RPTOR: variants seen among roughly 807,000 people sequenced by gnomAD.
The protein encoded by RPTOR is regulatory-associated protein of mTOR.
A neutral mutation model predicts 169.9 loss-of-function variants in RPTOR; 21 were observed. The ratio of observed to expected loss-of-function variants is 0.12; its 90% CI spans 0.09 to 0.18. RPTOR has a LOEUF of 0.18. RPTOR is among the 10% of genes least tolerant of loss of function. The pLI is 1.00. For synonymous variants in RPTOR, 732 were observed against 753.2 expected, an observed-to-expected ratio of 0.97 and a Z score of 0.46; for missense variants, 1,133 against 1,855.9, an observed-to-expected ratio of 0.61 and a Z score of 7.16.
intron 7 of RPTOR, among the ~76,000 whole-genome samples, chr17:80,812,662 G>A (rs1161756963): frequency 2.0e-5 from 3 of 152,142 alleles, no homozygotes; most frequent in Admixed American, 6.5e-5. Context: ...TCCCCTCCTC[G>A]AGTCTTGGCC....
chr17:80,775,377 C>CT (rs2066883534), intron 6 of RPTOR, among the ~76,000 whole-genome samples: 1 of 152,206 alleles, frequency 6.6e-6, no homozygotes, highest in South Asian at 2.1e-4. Context: ...TTCCAAAGTA[C>CT]TGAGACTGCA....
intron 1 of RPTOR, among the ~76,000 whole-genome samples, chr17:80,588,466 A>G (rs1347009571): frequency 6.6e-6 from 1 of 151,640 alleles, no homozygotes; most frequent in East Asian, 1.9e-4. Context: ...TGGCCTATCC[A>G]CTCATTTTTT....
chr17:80,912,020 C>A (rs753512236), intron 21 of RPTOR, among the ~76,000 whole-genome samples: 1 of 152,178 alleles, frequency 6.6e-6, no homozygotes, highest in African/African-American at 2.4e-5. Flanking sequence ...CTGCCTGCTA[C>A]GGATTAGGGA....
intron 7 of RPTOR, chr17:80,804,999 T>G (rs2067204342): frequency 6.6e-6 from 1 of 152,156 alleles, no homozygotes; most frequent in African/African-American, 2.4e-5. Flanking sequence ...CAGGAAAACC[T>G]CAGAGGATTA....
rs1387150323 is a variant in RPTOR, at chr17:80,963,823, CCGAGT to C, written c.3940-437_3940-433del. Among the ~76,000 whole-genome samples the C allele has an allele frequency of 5.6e-5, 8 of 142,520 alleles. 1 individual carries two copies. In the East Asian group the frequency reaches 1.6e-3, roughly 28 times the overall value. 93.5% of individuals were successfully genotyped at this position (142,520 alleles called of 152,430 possible). A position where few individuals can be genotyped will look rare whatever the true frequency, so the allele number is the denominator to read the frequency against. On this transcript the variant is annotated intron_variant, in intron 33 of 33. Transcript: ENST00000306801. ...GGCCCTCACCCCGTCCGCTGTGCGGCCGAGTCCTCACCCTGTCCCCTGTGCGGCCG... is the reference window on the plus strand; with the variant it reads ...GGCCCTCACCCCGTCCGCTGTGCGGCCCTCACCCTGTCCCCTGTGCGGCCG...
chr17:80,796,766 G>C (rs1294807733), intron 7 of RPTOR, among the ~76,000 whole-genome samples: 1 of 152,238 alleles, frequency 6.6e-6, no homozygotes, highest in Non-Finnish European at 1.5e-5. Flanking sequence ...ACCTGTTTTA[G>C]TGTCTTTCAC....
intron 1 of RPTOR, among the ~76,000 whole-genome samples, chr17:80,599,169 C>T (rs1223824680): frequency 6.6e-6 from 1 of 152,118 alleles, no homozygotes; most frequent in Non-Finnish European, 1.5e-5. Context: ...GGACTGTAGA[C>T]CAGGTTATAA....
intron 11 of RPTOR, among the ~76,000 whole-genome samples, chr17:80,854,232 A>G (rs1421949568): frequency 6.6e-6 from 1 of 152,228 alleles, no homozygotes; most frequent in Non-Finnish European, 1.5e-5. Flanking sequence ...TTTGGCTAAT[A>G]ATAGTGTAAT....
At chr17:80,891,881 C>A (rs553208143) in intron 18 of RPTOR, 44 bp downstream of exon 18, 8 of 1,402,792 alleles carry the variant, frequency 5.7e-6, no homozygotes, top group Admixed American at 1.7e-5. Context: ...CCTCGCCTGG[C>A]GGTTCTAGTG....
At chr17:80,700,709 ATGG>A (rs1567864608) in intron 3 of RPTOR, among the ~76,000 whole-genome samples, 12 of 28,730 alleles carry the variant, frequency 4.2e-4, no homozygotes, top group African/African-American at 6.6e-4. Context: ...GGTGGTGGTG[ATGG>A]TGGTGGTGGT....
chr17:80,951,580 G>T (rs562962574), intron 28 of RPTOR, among the ~76,000 whole-genome samples: 46 of 152,234 alleles, frequency 3.0e-4, no homozygotes, highest in Non-Finnish European at 6.2e-4. Flanking sequence ...GGTTGCACAG[G>T]ACATGGGAAA....
intron 28 of RPTOR, among the ~76,000 whole-genome samples, chr17:80,954,281 C>A (rs1402658923): frequency 6.6e-6 from 1 of 152,208 alleles, no homozygotes; most frequent in Non-Finnish European, 1.5e-5. Flanking sequence ...ACTGCCACAC[C>A]CAGCTATTTT....
At chr17:80,769,287 A>T (rs1260609343) in intron 6 of RPTOR, among the ~76,000 whole-genome samples, 4 of 152,234 alleles carry the variant, frequency 2.6e-5, no homozygotes, top group African/African-American at 9.6e-5. Context: ...CGTTATTTGT[A>T]CTGCTAAGTA....
rs975796602 is a variant in RPTOR, at chr17:80,855,653, C to A, written c.1398+106C>A. ...TTCATGATCCAGAGCCACCCCCAGC[C>A]GTGAGACCCAGGGCGAGTGTGTCCA... On this transcript the variant is annotated intron_variant, in intron 12 of 33. Coordinates refer to ENST00000306801, the MANE Select transcript of RPTOR (RefSeq NM_020761.3). 12 of 874,690 alleles carry A rather than the reference C, an allele frequency of 1.4e-5. No homozygotes were observed. In the African/African-American group the frequency reaches 1.5e-4, roughly 11 times the overall value. The allele number at this position is 874,690 out of a possible 1,614,324, so 54.2% of individuals were successfully genotyped here.
chr17:80,815,958 G>A (rs975687259), intron 7 of RPTOR, among the ~76,000 whole-genome samples: 3 of 151,940 alleles, frequency 2.0e-5, no homozygotes, highest in Non-Finnish European at 4.4e-5. Flanking sequence ...GCATCCTCCC[G>A]ACTGGCGAGG....
In RPTOR at chr17:80,652,463, C is replaced by T. The variant is rs192956010; in HGVS notation, c.348+8653C>T. Among the ~76,000 whole-genome samples the T allele has an allele frequency of 1.3e-3, 194 of 152,316 alleles. 1 individual carries two copies. The highest frequency in any genetic ancestry group is 4.5e-3 in the African/African-American group (186 of 41,560). ...ATCTGGAATGTTTTCAAGATTCCTCCATGCTATTGCATGTATCAGTAATTT... is the reference window on the plus strand; with the variant it reads ...ATCTGGAATGTTTTCAAGATTCCTCTATGCTATTGCATGTATCAGTAATTT... On this transcript the variant is annotated intron_variant, in intron 3 of 33. Transcript: ENST00000306801.
intron 28 of RPTOR, among the ~76,000 whole-genome samples, chr17:80,951,836 C>T (rs1434083776): frequency 1.3e-5 from 2 of 152,234 alleles, no homozygotes; most frequent in Admixed American, 1.3e-4. Flanking sequence ...CGGCATGTCA[C>T]TGTCCTACCC....
At chr17:80,614,217 G>T (rs78235029) in intron 1 of RPTOR, among the ~76,000 whole-genome samples, 72 of 152,330 alleles carry the variant, frequency 4.7e-4, no homozygotes, top group African/African-American at 1.7e-3. Context: ...GGTCCCAGAG[G>T]TGTGCTCAGG....
rs551453820 is a variant in RPTOR, at chr17:80,726,120, A to G, written c.508-4440A>G. On this transcript the variant is annotated intron_variant, in intron 4 of 33. Transcript: ENST00000306801. The surrounding 1 kb of genome is among the most constrained non-coding windows in gnomAD (Gnocchi z 4.5). ...AGACGCCGCTCACAGAGAAGCGACC[A>G]CAGAGGCCCACATCCAAGCAGGCTT... Among the ~76,000 whole-genome samples the G allele has an allele frequency of 1.8e-3, 270 of 152,330 alleles. 2 individuals carry two copies. Among genetic ancestry groups the G allele is most frequent in the African/African-American group, 6.2e-3 (257 of 41,586 alleles).
Sources: allele counts gnomAD v4.1 joint callset (sites outside exome capture counted in the v4.1 genomes callset), GRCh38; gene constraint gnomAD v4.1.1; non-coding constraint Gnocchi (gnomAD v3.1); transcripts MANE v1.5; gene names NCBI Gene and HGNC (gene_info 2026-07-23, HGNC 2026-07-21).